The following ADAMTS17 variants were observed in gnomAD, a reference collection of about 807,000 sequenced individuals.
ADAMTS17 encodes the protein ADAM metallopeptidase with thrombospondin type 1 motif 17, also known as A disintegrin and metalloproteinase with thrombospondin motifs 17.
In ADAMTS17, 113 loss-of-function variants were observed where a neutral mutation model predicts 141.5. The observed-to-expected ratio is 0.80, with a 90% confidence interval of 0.69 to 0.93. The LOEUF (loss-of-function observed/expected upper bound fraction) is 0.93. ADAMTS17 is among the 40% of genes least tolerant of loss of function. The pLI is 0.00. For missense variants in ADAMTS17, 1,659 were observed against 1,517.9 expected, an observed-to-expected ratio of 1.09 and a Z score of -1.54; for synonymous variants, 768 against 630.6, an observed-to-expected ratio of 1.22 and a Z score of -3.27.
rs769851977 is a variant in ADAMTS17 at position 100,048,845 on chromosome 15, C to T, written c.2591+12G>A. On this transcript the variant is annotated intron_variant, in intron 18 of 21. Transcript: ENST00000268070. ...CTCTGGTGGGTCCAAGCTACAGAAC[C>T]CAGCTTCTTACCGTGACTGGCAGGG... The T allele has an allele frequency of 6.2e-7, 1 of 1,614,150 alleles. No homozygotes were observed. Among genetic ancestry groups the T allele is most frequent in the Non-Finnish European group, 8.5e-7 (1 of 1,180,024 alleles).
chr15:100,008,675 G>C (rs539351190), intron 18 of ADAMTS17, among the ~76,000 whole-genome samples: 3 of 152,328 alleles, frequency 2.0e-5, no homozygotes, highest in East Asian at 3.9e-4. Flanking sequence ...GTCCCAGGGA[G>C]ACTTGGGCAT....
At chr15:100,316,395 C>T (rs933625713) in intron 3 of ADAMTS17, among the ~76,000 whole-genome samples, 1 of 152,262 alleles carries the variant, frequency 6.6e-6, no homozygotes, top group Non-Finnish European at 1.5e-5. Flanking sequence ...GATCACACTT[C>T]CATTCTCGCC....
chr15:100,211,705 G>C (rs1233199810), intron 7 of ADAMTS17, among the ~76,000 whole-genome samples: 1 of 152,102 alleles, frequency 6.6e-6, no homozygotes, highest in African/African-American at 2.4e-5. Context: ...ACATAATGAA[G>C]ACATTTTCAA....
At chr15:99,977,400 AATTTTTTTTTT>A (rs1231229425) in intron 20 of ADAMTS17, among the ~76,000 whole-genome samples, 3 of 4,754 alleles carry the variant, frequency 6.3e-4, no homozygotes, top group African/African-American at 1.9e-3. Context: ...ATATATATAT[AATTTTTTTTTT>A]TTTTTTTTTT....
chr15:100,323,204 G>C (rs2045788877), intron 3 of ADAMTS17, among the ~76,000 whole-genome samples: 1 of 150,604 alleles, frequency 6.6e-6, no homozygotes, highest in African/African-American at 2.4e-5. Flanking sequence ...CACATGCTGT[G>C]TTTACATATA....
chr15:100,252,400 G>A (rs1157039419), intron 7 of ADAMTS17, among the ~76,000 whole-genome samples: 1 of 152,174 alleles, frequency 6.6e-6, no homozygotes, highest in Non-Finnish European at 1.5e-5. Flanking sequence ...GGCCAGAGCT[G>A]GGCTCTGTTT....
At chr15:100,011,393 A>AG (rs1381355976) in intron 18 of ADAMTS17, among the ~76,000 whole-genome samples, 1 of 63,208 alleles carries the variant, frequency 1.6e-5, no homozygotes, top group Admixed American at 1.9e-4. Flanking sequence ...GACAGAAGGG[A>AG]GGGAAGGAAG....
intron 18 of ADAMTS17, among the ~76,000 whole-genome samples, chr15:100,017,092 C>T (rs1181786897): frequency 6.6e-6 from 1 of 152,020 alleles, no homozygotes; most frequent in South Asian, 2.1e-4. Context: ...GAGTTGTGTA[C>T]CTAGGAGGGT....
Position 100,188,511 on chromosome 15 carries a change from G to A in ADAMTS17, c.1181+10807C>T, listed in dbSNP as rs144096267. ...TTTGCGGCTTCCTTCCATATTCTACGTGGAAAACCCCCATTTCACGGGAAA... is the reference window on the plus strand; with the variant it reads ...TTTGCGGCTTCCTTCCATATTCTACATGGAAAACCCCCATTTCACGGGAAA... On this transcript the variant is annotated intron_variant, in intron 8 of 21. Coordinates refer to ENST00000268070, the MANE Select transcript of ADAMTS17 (RefSeq NM_139057.4). Among the ~76,000 whole-genome samples the A allele has an allele frequency of 4.9e-3, 739 of 152,156 alleles. 6 individuals carry two copies. Among genetic ancestry groups the A allele is most frequent in the African/African-American group, 0.017 (692 of 41,524 alleles).
rs1199673853 is a variant in ADAMTS17, at chr15:100,261,634, A to C, written c.876T>G (p.Ala292=). The C allele has an allele frequency of 6.2e-7, 1 of 1,613,534 alleles. No individual in the cohort carries two copies. Among genetic ancestry groups the C allele is most frequent in the East Asian group, 2.2e-5 (1 of 44,886 alleles). The part of the protein sequence containing the change: ...TKLVLLRQRP[A]KLSIGHHGER... ...CACCATGGTGCCCAATGGACAACTT[A>C]GCCTAAAAAAAGTCAGAGGACAGTT... The change falls in exon 6 of 22, where the codon GCT becomes GCG. Residue 292 remains alanine, a splice_region_variant and synonymous_variant. Coordinates refer to ENST00000268070, the MANE Select transcript of ADAMTS17 (RefSeq NM_139057.4).
chr15:100,010,900 AT>A (rs1014610033), intron 18 of ADAMTS17, among the ~76,000 whole-genome samples: 5 of 152,122 alleles, frequency 3.3e-5, no homozygotes, highest in Non-Finnish European at 7.4e-5. Context: ...TCTCATATAC[AT>A]TTCCCTGAAA....
chr15:100,062,391 T>C (rs1344163433), intron 15 of ADAMTS17, among the ~76,000 whole-genome samples: 1 of 152,188 alleles, frequency 6.6e-6, no homozygotes. Flanking sequence ...CGTGGGTGCT[T>C]GGAAATGGGC....
At chr15:100,151,547 C>T (rs957519811) in intron 10 of ADAMTS17, among the ~76,000 whole-genome samples, 1 of 152,204 alleles carries the variant, frequency 6.6e-6, no homozygotes, top group African/African-American at 2.4e-5. Flanking sequence ...TCCACACATC[C>T]TCCTTGGGAC....
intron 3 of ADAMTS17, among the ~76,000 whole-genome samples, chr15:100,303,566 T>C (rs2045117664): frequency 6.6e-6 from 1 of 152,150 alleles, no homozygotes; most frequent in South Asian, 2.1e-4. Flanking sequence ...ACATCTATGT[T>C]TGCTTCTAAG....
At chr15:100,147,370 T>C (rs568315243) in intron 10 of ADAMTS17, among the ~76,000 whole-genome samples, 15 of 152,286 alleles carry the variant, frequency 9.8e-5, no homozygotes, top group Admixed American at 9.8e-4. Flanking sequence ...AGACCTTTCA[T>C]TGTGTAAACA....
chr15:100,187,470 G>A (rs1042876836), intron 8 of ADAMTS17, among the ~76,000 whole-genome samples: 7 of 152,114 alleles, frequency 4.6e-5, no homozygotes, highest in East Asian at 3.8e-4. Context: ...GGCTCAACCC[G>A]CAAGAGGTGA....
Position 100,262,536 on chromosome 15 carries a change from T to C in ADAMTS17, c.790-101A>G, listed in dbSNP as rs548804079. On this transcript the variant is annotated intron_variant, in intron 4 of 21. Transcript: ENST00000268070. The stretch of plus-strand genomic sequence containing the variant: ...CTTGGGACACAGAAAAGAGATTATG[T>C]AAAAATAAGGAAATAGAAATAAAGC... The C allele has an allele frequency of 3.5e-6, 3 of 845,686 alleles. No homozygotes were observed. In the African/African-American group the frequency reaches 5.2e-5, roughly 15 times the overall value. 52.4% of individuals were successfully genotyped at this position (845,686 alleles called of 1,614,324 possible). A position where few individuals can be genotyped will look rare whatever the true frequency, so the allele number is the denominator to read the frequency against.
Position 100,132,121 on chromosome 15 carries a change from G to A in ADAMTS17, c.1607C>T (p.Thr536Met), listed in dbSNP as rs1244171699. The stretch of plus-strand genomic sequence containing the variant: ...TCCGTCCACATGCTCCGGGATGGGC[G>A]TCTTGCTCACGCACTCCCCCGCGCG... Reference protein sequence around the residue: ...WCRAGECVSKTPIPEHVDGDW... With the variant: ...WCRAGECVSKMPIPEHVDGDW... Residue 536 changes from threonine to methionine, a missense_variant, in exon 12 of 22, where the codon ACG becomes ATG. Thr to Met is a moderately conservative substitution (Grantham distance 81, BLOSUM62 -1). Transcript: ENST00000268070. The A allele has an allele frequency of 5.6e-6, 9 of 1,614,062 alleles. No homozygotes were observed. Among genetic ancestry groups the A allele is most frequent in the Admixed American group, 1.7e-5 (1 of 60,024 alleles).
chr15:100,262,264 G>A lies in ADAMTS17; in HGVS notation c.873+88C>T, dbSNP rs908179097. The A allele has an allele frequency of 3.2e-6, 4 of 1,231,438 alleles. No individual in the cohort carries two copies. In the East Asian group the frequency reaches 7.1e-5, roughly 22 times the overall value. The allele number at this position is 1,231,438 out of a possible 1,614,324, so 76.3% of individuals were successfully genotyped here. ...GAGTGACGGAGACTGGCAACTCCCTGGAGCCCCGCTTAGCATTCAACAGCA... is the reference window on the plus strand; with the variant it reads ...GAGTGACGGAGACTGGCAACTCCCTAGAGCCCCGCTTAGCATTCAACAGCA... On this transcript the variant is annotated intron_variant, in intron 5 of 21. Coordinates refer to ENST00000268070, the MANE Select transcript of ADAMTS17 (RefSeq NM_139057.4).
Sources: gnomAD v4.1 joint callset for allele counts (sites outside exome capture counted in the v4.1 genomes callset) on GRCh38, gnomAD v4.1.1 for gene constraint, MANE v1.5 for transcripts, NCBI Gene and HGNC (gene_info 2026-07-23, HGNC 2026-07-21) for gene names.